C3orf18: variants seen among roughly 807,000 people sequenced by gnomAD.
The protein encoded by C3orf18 is chromosome 3 open reading frame 18, also known as uncharacterized protein C3orf18.
A neutral mutation model predicts 14.1 loss-of-function variants in C3orf18; 12 were observed. The observed-to-expected ratio is 0.85, with a 90% confidence interval of 0.55 to 1.38. C3orf18 has a LOEUF of 1.38. Among genes scored for constraint, C3orf18 ranks in the 40% most tolerant of loss-of-function variants. The pLI is 0.00. For missense variants in C3orf18, 196 were observed against 213.9 expected, an observed-to-expected ratio of 0.92 and a Z score of 0.52; for synonymous variants, 82 against 87.9, an observed-to-expected ratio of 0.93 and a Z score of 0.38.
chr3:50,559,648 C>T lies in C3orf18; in HGVS notation c.*9G>A, dbSNP rs1307985035. 1.3e-6 allele frequency: 2 copies of T among 1,567,162 alleles called. No homozygotes were observed. The highest frequency in any genetic ancestry group is 1.3e-5 in the African/African-American group (1 of 74,140). ...TCTCTATCAGAAGTCCAGGCTTGTC[C>T]CAGGCCACTCACGCATGGATGGCAT... On this transcript the variant is annotated 3_prime_UTR_variant, in exon 6 of 6. Coordinates refer to ENST00000357203, the MANE Select transcript of C3orf18 (RefSeq NM_016210.5).
chr3:50,561,771 A>G, intron 3 of C3orf18, 24 bp from the exon 4 acceptor site: 2 of 1,613,656 alleles, frequency 1.2e-6, no homozygotes, highest in Non-Finnish European at 1.7e-6. Flanking sequence ...AGCAGCATCA[A>G]ATGGCAAGGA....
rs767436098 is a variant in C3orf18, at chr3:50,558,788, G to A, written c.*869C>T. On this transcript the variant is annotated 3_prime_UTR_variant, in exon 6 of 6. Transcript: ENST00000357203. ...GCAGTCCCTGAAGATTGAAGGCAGA[G>A]AAGATAGCCTACCCTGATGCTCCAC... 7.8e-7 allele frequency: 1 copy of A among 1,289,860 alleles called. No homozygotes were observed. Among genetic ancestry groups the A allele is most frequent in the South Asian group, 1.2e-5 (1 of 81,036 alleles). 79.9% of individuals were successfully genotyped at this position (1,289,860 alleles called of 1,614,324 possible).
At chr3:50,566,460 T>C (rs189029863) in intron 1 of C3orf18, among the ~76,000 whole-genome samples, 1 of 151,926 alleles carries the variant, frequency 6.6e-6, no homozygotes, top group East Asian at 1.9e-4. Flanking sequence ...CAAACAGGTG[T>C]CGAAGAAAGA....
At chr3:50,571,273 A>G (rs750624882), upstream of C3orf18, 4 of 1,613,070 alleles carry the variant, frequency 2.5e-6, no homozygotes, top group Non-Finnish European at 1.7e-6. Context: ...GAAGAGGGGT[A>G]TCCCTGAGGC....
intron 3 of C3orf18, among the ~76,000 whole-genome samples, chr3:50,562,209 T>C (rs560945696): frequency 6.6e-6 from 1 of 152,288 alleles, no homozygotes; most frequent in East Asian, 1.9e-4. Flanking sequence ...ATGCCTCCTT[T>C]TGACATTGTT....
upstream of C3orf18, chr3:50,571,866 C>A: frequency 6.6e-7 from 1 of 1,512,346 alleles, no homozygotes; most frequent in Non-Finnish European, 9.2e-7. Context: ...CTCCCCTATC[C>A]CCACCAAGTT....
rs769002907 is a variant in C3orf18 at position 50,565,684 on chromosome 3, C to T, written c.16G>A (p.Ala6Thr). 1.2e-5 allele frequency: 20 copies of T among 1,610,662 alleles called. No individual in the cohort carries two copies. Among genetic ancestry groups the T allele is most frequent in the South Asian group, 1.2e-4 (11 of 91,056 alleles). MNSRTASARGWFSSRP... is the reference protein window; with the variant it reads MNSRTTSARGWFSSRP... The stretch of plus-strand genomic sequence containing the variant: ...CTGCTGAACCAGCCCCTAGCAGATG[C>T]GGTCCTGGAGTTCATGCTGATGCGG... The change falls in exon 3 of 6, where the codon GCA becomes ACA. Residue 6 changes from alanine to threonine, a missense_variant. Coordinates refer to ENST00000357203, the MANE Select transcript of C3orf18 (RefSeq NM_016210.5). The surrounding 1 kb of genome is among the most constrained non-coding windows in gnomAD (Gnocchi z 4.4).
In C3orf18 at chr3:50,558,625, G is replaced by A; in HGVS notation, c.*1032C>T. 8.5e-7 allele frequency: 1 copy of A among 1,174,254 alleles called. No individual in the cohort carries two copies. The highest frequency in any genetic ancestry group is 1.1e-6 in the Non-Finnish European group (1 of 904,374). The allele number at this position is 1,174,254 out of a possible 1,614,324, so 72.7% of individuals were successfully genotyped here. ...CTCTAGCCTGCAGCCTGTGATTACT[G>A]CCCTCAGACCAACAGCCTCTCCCAA... On this transcript the variant is annotated 3_prime_UTR_variant, in exon 6 of 6. Coordinates refer to ENST00000357203, the MANE Select transcript of C3orf18 (RefSeq NM_016210.5).
chr3:50,573,530 A>G (rs1441101182), upstream of C3orf18, among the ~76,000 whole-genome samples: 3 of 152,166 alleles, frequency 2.0e-5, no homozygotes, highest in Admixed American at 6.5e-5. Context: ...TTTGGCTCCC[A>G]TGTGGCCCCC....
At chr3:50,562,426 C>CAGG (rs1700040215) in intron 3 of C3orf18, 26 of 454,070 alleles carry the variant, frequency 5.7e-5, no homozygotes, top group South Asian at 3.6e-4. Context: ...CATTCCCTCC[C>CAGG]CTCAACTCTT....
intron 5 of C3orf18, 120 bp downstream of exon 5, chr3:50,560,792 GTATAC>G: frequency 9.4e-7 from 1 of 1,060,542 alleles, no homozygotes; most frequent in South Asian, 1.7e-5. Flanking sequence ...GGAAAAAGCC[GTATAC>G]CCAATACCTG....
intron 3 of C3orf18, among the ~76,000 whole-genome samples, chr3:50,564,137 C>G (rs1449547104): frequency 6.6e-6 from 1 of 152,240 alleles, no homozygotes; most frequent in African/African-American, 2.4e-5. Context: ...GGGCCATCCA[C>G]AGCCCTACTT....
chr3:50,559,403 C>T lies in C3orf18; in HGVS notation c.*254G>A, dbSNP rs1178493834. Reference sequence around the variant, plus strand: ...AGCCAGCAGAGGCTCTTGACCTTCTCAGCATGAGGGATGCCCTCTGTGCCA... The same window carrying T: ...AGCCAGCAGAGGCTCTTGACCTTCTTAGCATGAGGGATGCCCTCTGTGCCA... On this transcript the variant is annotated 3_prime_UTR_variant, in exon 6 of 6. Coordinates refer to ENST00000357203, the MANE Select transcript of C3orf18 (RefSeq NM_016210.5). 2.9e-6 allele frequency: 4 copies of T among 1,373,064 alleles called. No individual in the cohort carries two copies. The highest frequency in any genetic ancestry group is 2.9e-5 in the East Asian group (1 of 34,712). 85.1% of individuals were successfully genotyped at this position (1,373,064 alleles called of 1,614,324 possible). A position where few individuals can be genotyped will look rare whatever the true frequency, so the allele number is the denominator to read the frequency against.
At chr3:50,560,335 G>A (rs1301460429) in intron 5 of C3orf18, among the ~76,000 whole-genome samples, 1 of 152,220 alleles carries the variant, frequency 6.6e-6, no homozygotes, top group Non-Finnish European at 1.5e-5. Context: ...CAGCCCAGTG[G>A]TTACAACAGG....
Position 50,558,088 on chromosome 3 carries a change from C to T in C3orf18, c.*1569G>A, listed in dbSNP as rs1256304325. On this transcript the variant is annotated 3_prime_UTR_variant, in exon 6 of 6. Transcript: ENST00000357203. ...CGTGGAGCTGCTCTGGGTTAAATTA[C>T]AGCTGTATGCATCCTGAATTCCTGG... 6.5e-6 allele frequency: 1 copy of T among 153,522 alleles called. No homozygotes were observed. The highest frequency in any genetic ancestry group is 1.5e-5 in the Non-Finnish European group (1 of 68,726). 9.5% of individuals were successfully genotyped at this position (153,522 alleles called of 1,614,324 possible).
chr3:50,569,128 C>T (rs1247043650), upstream of C3orf18: 1 of 152,366 alleles, frequency 6.6e-6, no homozygotes, highest in Admixed American at 6.5e-5. Context: ...GCCGGAACAC[C>T]CGGGCCCTCT....
rs1347870430 is a variant in C3orf18 at position 50,565,787 on chromosome 3, T to C, written c.-88A>G. 1 of 1,050,732 alleles carries C rather than the reference T, an allele frequency of 9.5e-7. No individual in the cohort carries two copies. 65.1% of individuals were successfully genotyped at this position (1,050,732 alleles called of 1,614,324 possible). ...CCTGACTCCGGAGTGCCCCAGCCTG[T>C]GGTTCCTGCCACCTGTGGTGGCCAC... On this transcript the variant is annotated 5_prime_UTR_variant, in exon 3 of 6. Coordinates refer to ENST00000357203, the MANE Select transcript of C3orf18 (RefSeq NM_016210.5). This position sits in a 1 kb window ranked among gnomAD's most constrained non-coding sequence, Gnocchi z 4.4.
chr3:50,570,599 T>C (rs1490530436), upstream of C3orf18: 4 of 152,444 alleles, frequency 2.6e-5, no homozygotes, highest in Admixed American at 2.6e-4. Flanking sequence ...CCCCATCTTA[T>C]GGATTAAGAA....
Position 50,565,672 on chromosome 3 carries a change from C to A in C3orf18, c.28G>T (p.Gly10Cys). MNSRTASARGWFSSRPPTSE... is the reference protein window; with the variant it reads MNSRTASARCWFSSRPPTSE... ...GTGGGTGGGCGGCTGCTGAACCAGC[C>A]CCTAGCAGATGCGGTCCTGGAGTTC... Residue 10 changes from glycine (G) to cysteine (C), a missense_variant, in exon 3 of 6, where the codon GGC becomes TGC. Coordinates refer to ENST00000357203, the MANE Select transcript of C3orf18 (RefSeq NM_016210.5). The surrounding 1 kb of genome is among the most constrained non-coding windows in gnomAD (Gnocchi z 4.4). 1.2e-5 allele frequency: 19 copies of A among 1,612,266 alleles called. No homozygotes were observed. Among genetic ancestry groups the A allele is most frequent in the Non-Finnish European group, 1.5e-5 (18 of 1,179,940 alleles).
Sources: allele counts gnomAD v4.1 joint callset (sites outside exome capture counted in the v4.1 genomes callset), GRCh38; gene constraint gnomAD v4.1.1; non-coding constraint Gnocchi (gnomAD v3.1); transcripts MANE v1.5; gene names NCBI Gene and HGNC (gene_info 2026-07-23, HGNC 2026-07-21).